The following FBXL7 variants were observed in gnomAD, a reference collection of about 807,000 sequenced individuals.
The protein encoded by FBXL7 is F-box and leucine rich repeat protein 7.
Under a neutral mutation model 38.3 loss-of-function variants are expected in FBXL7, and 12 were observed. That is an observed-to-expected ratio of 0.31 (90% confidence interval 0.20 to 0.51). The LOEUF is 0.51. FBXL7 is among the 20% of genes least tolerant of loss of function. The pLI is 0.98. For missense variants in FBXL7, 567 were observed against 676.4 expected, an observed-to-expected ratio of 0.84 and a Z score of 1.79; for synonymous variants, 297 against 300.9, an observed-to-expected ratio of 0.99 and a Z score of 0.13.
chr5:15,625,880 A>G (rs952056277), intron 2 of FBXL7, among the ~76,000 whole-genome samples: 1 of 152,198 alleles, frequency 6.6e-6, no homozygotes, highest in Non-Finnish European at 1.5e-5. Flanking sequence ...TAACATAGGA[A>G]TAGGAATAAA....
chr5:15,839,264 AT>A, intron 2 of FBXL7, among the ~76,000 whole-genome samples: 1 of 151,824 alleles, frequency 6.6e-6, no homozygotes, highest in African/African-American at 2.4e-5. Flanking sequence ...TTTATCTATC[AT>A]TTTGTGATTT....
At chr5:15,875,195 A>T (rs1740148112) in intron 2 of FBXL7, among the ~76,000 whole-genome samples, 1 of 152,214 alleles carries the variant, frequency 6.6e-6, no homozygotes, top group South Asian at 2.1e-4. Flanking sequence ...GGTGCTAGGA[A>T]AATTGGCTAG....
At chr5:15,619,043 C>T (rs1273902064) in intron 2 of FBXL7, among the ~76,000 whole-genome samples, 1 of 152,126 alleles carries the variant, frequency 6.6e-6, no homozygotes, top group South Asian at 2.1e-4. Flanking sequence ...CTTTTATAAG[C>T]TCACCTCTTT....
chr5:15,841,965 G>C (rs937361138), intron 2 of FBXL7, among the ~76,000 whole-genome samples: 2 of 152,250 alleles, frequency 1.3e-5, no homozygotes. Context: ...CTCTGCTAGG[G>C]CAGTGCAGAA....
chr5:15,613,777 C>G (rs763047103), intron 1 of FBXL7, among the ~76,000 whole-genome samples: 15 of 152,162 alleles, frequency 9.9e-5, no homozygotes, highest in Non-Finnish European at 1.8e-4. Flanking sequence ...TCTGTACTGT[C>G]TTAGTCCATT....
intron 2 of FBXL7, among the ~76,000 whole-genome samples, chr5:15,812,080 A>G (rs1737877629): frequency 1.3e-5 from 2 of 152,318 alleles, no homozygotes; most frequent in Admixed American, 1.3e-4. Flanking sequence ...AAGACTTGGA[A>G]CCAACCCAAA....
intron 2 of FBXL7, among the ~76,000 whole-genome samples, chr5:15,662,888 T>G (rs1251078939): frequency 6.6e-6 from 1 of 152,222 alleles, no homozygotes; most frequent in Non-Finnish European, 1.5e-5. Context: ...TACCATGCTG[T>G]TTTGGTTACT....
At chr5:15,726,995 A>G (rs1290420008) in intron 2 of FBXL7, among the ~76,000 whole-genome samples, 1 of 151,870 alleles carries the variant, frequency 6.6e-6, no homozygotes, top group East Asian at 1.9e-4. Context: ...TGTGTATTCA[A>G]TAGGTATTTT....
At chr5:15,808,423 G>T (rs916445467) in intron 2 of FBXL7, among the ~76,000 whole-genome samples, 2 of 152,036 alleles carry the variant, frequency 1.3e-5, no homozygotes, top group Non-Finnish European at 1.5e-5. Flanking sequence ...GCCAATGAGG[G>T]TTTCTTCCCA....
At chr5:15,576,789 T>C (rs1478919220) in intron 1 of FBXL7, among the ~76,000 whole-genome samples, 4 of 152,122 alleles carry the variant, frequency 2.6e-5, no homozygotes, top group African/African-American at 9.7e-5. Context: ...GAATGATCAT[T>C]CCCAGGTGTT....
intron 2 of FBXL7, among the ~76,000 whole-genome samples, chr5:15,802,776 C>G (rs1231156481): frequency 1.3e-5 from 2 of 152,054 alleles, no homozygotes. Flanking sequence ...GGCTCAGCCT[C>G]CCAAGTAGCT....
chr5:15,544,953 T>C (rs1166771305), intron 1 of FBXL7, among the ~76,000 whole-genome samples: 1 of 152,228 alleles, frequency 6.6e-6, no homozygotes, highest in Non-Finnish European at 1.5e-5. Context: ...AACATTTTAT[T>C]ATGAAGGTTT....
At chr5:15,628,738 G>A (rs1460360941) in intron 2 of FBXL7, among the ~76,000 whole-genome samples, 1 of 151,910 alleles carries the variant, frequency 6.6e-6, no homozygotes, top group East Asian at 1.9e-4. Flanking sequence ...GCTCTCTTTT[G>A]AGTATAATTT....
chr5:15,827,826 T>C (rs1021484394), intron 2 of FBXL7, among the ~76,000 whole-genome samples: 3 of 152,218 alleles, frequency 2.0e-5, no homozygotes, highest in African/African-American at 7.2e-5. Context: ...CTTGGAAGAC[T>C]CACCCAGAAT....
intron 2 of FBXL7, among the ~76,000 whole-genome samples, chr5:15,863,682 T>C (rs1428448786): frequency 6.6e-6 from 1 of 152,232 alleles, no homozygotes; most frequent in Non-Finnish European, 1.5e-5. Context: ...ATTTGGGTCA[T>C]GGAGACAGAG....
At position 15,727,942 on chromosome 5, in the gene FBXL7, T is replaced by C. The variant is rs1166287762; in HGVS notation, c.127+111870T>C. 2.6e-5 allele frequency among the ~76,000 whole-genome samples: 4 copies of C among 152,162 alleles called. No homozygotes were observed. In the South Asian group the frequency reaches 8.3e-4, roughly 32 times the overall value. Reference sequence around the variant, plus strand: ...TTGCTGTTATGGTTGTTCCTCAGGTTCAGTAATTTCCATTGCTCTCTCTTC... The same window carrying C: ...TTGCTGTTATGGTTGTTCCTCAGGTCCAGTAATTTCCATTGCTCTCTCTTC... On this transcript the variant is annotated intron_variant, in intron 2 of 3. Transcript: ENST00000504595.
intron 1 of FBXL7, among the ~76,000 whole-genome samples, chr5:15,576,108 GT>G (rs1738958912): frequency 1.2e-5 from 1 of 85,068 alleles, no homozygotes. Context: ...TTGAGATGGA[GT>G]TTTGCTCTTG....
At chr5:15,649,563 A>C (rs1306028152) in intron 2 of FBXL7, among the ~76,000 whole-genome samples, 2 of 152,184 alleles carry the variant, frequency 1.3e-5, no homozygotes, top group African/African-American at 4.8e-5. Context: ...AAGCTAACTA[A>C]ACTCATCTCA....
At chr5:15,875,491 T>G (rs1373518474) in intron 2 of FBXL7, among the ~76,000 whole-genome samples, 1 of 152,136 alleles carries the variant, frequency 6.6e-6, no homozygotes, top group African/African-American at 2.4e-5. Context: ...AGAAAATTTT[T>G]GCAATCCATC....
Sources: allele counts gnomAD v4.1 joint callset (sites outside exome capture counted in the v4.1 genomes callset), GRCh38; gene constraint gnomAD v4.1.1; transcripts MANE v1.5; gene names NCBI Gene and HGNC (gene_info 2026-07-23, HGNC 2026-07-21).